Variants in PARP12 observed in about 807,000 individuals in gnomAD.
The protein encoded by PARP12 is poly(ADP-ribose) polymerase family member 12.
Under a neutral mutation model 72.4 loss-of-function variants are expected in PARP12, and 59 were observed. The ratio of observed to expected loss-of-function variants is 0.81; its 90% CI spans 0.66 to 1.01. The LOEUF is 1.01. Among genes scored for constraint, PARP12 ranks in the 50% least tolerant of loss-of-function variants. The pLI is 0.00. For missense variants in PARP12, 851 were observed against 914.0 expected (o/e 0.93, Z 0.89); for synonymous variants, 403 against 371.4 (o/e 1.09, Z -0.98).
rs527274291 is a variant in PARP12, at chr7:140,053,007, AT to A, written c.862+1654del. ...ACTCTCACACGTTGCTGGTGGGAAC[AT>A]AAAATATTATTATCTATTTTGGAAG... On this transcript the variant is annotated intron_variant, in intron 4 of 11. Coordinates refer to ENST00000263549, the MANE Select transcript of PARP12 (RefSeq NM_022750.4). Among the ~76,000 whole-genome samples the A allele has an allele frequency of 6.6e-5, 10 of 152,354 alleles. No individual in the cohort carries two copies. The East Asian group carries it at 1.9e-3, about 29-fold the overall frequency.
intron 5 of PARP12, among the ~76,000 whole-genome samples, chr7:140,042,785 G>A (rs1019279753): frequency 2.0e-5 from 3 of 152,190 alleles, no homozygotes; most frequent in Non-Finnish European, 2.9e-5. Context: ...CCTCACAGAA[G>A]TTTTAGACTG....
At chr7:140,028,862 T>G in intron 8 of PARP12, 174 bp from the exon 9 acceptor site, 2 of 514,396 alleles carry the variant, frequency 3.9e-6, no homozygotes, top group South Asian at 2.0e-5. Flanking sequence ...ATGAGAGCAC[T>G]TTTATCTTTG....
rs149809633 is a variant in PARP12, at chr7:140,060,039, A to G, written c.327-2005T>C. On this transcript the variant is annotated intron_variant, in intron 1 of 11. Transcript: ENST00000263549. Reference sequence around the variant, plus strand: ...GTAACGATGACTGATGGTAACAATGATAATGACTACTAAAATTTATTGAGC... The same window carrying G: ...GTAACGATGACTGATGGTAACAATGGTAATGACTACTAAAATTTATTGAGC... Among the ~76,000 whole-genome samples, 22 of 152,380 alleles carry G rather than the reference A, an allele frequency of 1.4e-4. 1 individual carries two copies. The highest frequency in any genetic ancestry group is 5.3e-4 in the African/African-American group (22 of 41,596).
intron 5 of PARP12, among the ~76,000 whole-genome samples, chr7:140,044,968 C>A (rs1447753063): frequency 6.6e-6 from 1 of 151,192 alleles, no homozygotes; most frequent in Admixed American, 6.6e-5. Flanking sequence ...TAAAACAATA[C>A]GAATTTCTAA....
intron 4 of PARP12, among the ~76,000 whole-genome samples, chr7:140,051,476 C>T (rs150249861): frequency 6.6e-6 from 1 of 152,114 alleles, no homozygotes; most frequent in East Asian, 1.9e-4. Flanking sequence ...CCGCAACCTC[C>T]ACCTCCCGGG....
chr7:140,033,827 G>A (rs752884446), intron 8 of PARP12: 6 of 987,118 alleles, frequency 6.1e-6, no homozygotes, highest in Non-Finnish European at 7.2e-6. Flanking sequence ...TTGGTATTCC[G>A]TGATATTCAA....
chr7:140,051,842 A>T (rs1199902850), intron 4 of PARP12, among the ~76,000 whole-genome samples: 1 of 152,078 alleles, frequency 6.6e-6, no homozygotes, highest in East Asian at 1.9e-4. Flanking sequence ...GTGGAGAAGG[A>T]CCCTCTGGTG....
rs563450338 is a variant in PARP12 at position 140,057,375 on chromosome 7, C to T, written c.463-222G>A. ...AAAGGAGACTGCACAGAATCAGCCC[C>T]TCCACTGGGAAAATCCAAGAACTTC... On this transcript the variant is annotated intron_variant, in intron 2 of 11. Transcript: ENST00000263549. The T allele has an allele frequency of 1.6e-5, 9 of 571,028 alleles. No individual in the cohort carries two copies. The African/African-American group carries it at 1.7e-4, about 11-fold the overall frequency. 35.4% of individuals were successfully genotyped at this position (571,028 alleles called of 1,614,324 possible).
intron 8 of PARP12, among the ~76,000 whole-genome samples, chr7:140,032,919 G>A (rs947859846): frequency 1.3e-5 from 2 of 152,080 alleles, no homozygotes; most frequent in Admixed American, 6.6e-5. Flanking sequence ...TTTTAATCAC[G>A]TGAAGGTTTT....
intron 5 of PARP12, among the ~76,000 whole-genome samples, chr7:140,042,325 A>G (rs1437694394): frequency 6.6e-6 from 1 of 152,242 alleles, no homozygotes; most frequent in African/African-American, 2.4e-5. Flanking sequence ...AACCTGTTCA[A>G]GGTCAAACAG....
In PARP12 at chr7:140,024,587, C is replaced by T. The variant is rs756397682; in HGVS notation, c.2079G>A (p.Leu693=). The change falls in exon 12 of 12, where the codon TTG becomes TTA. Residue 693 remains leucine (L), a synonymous_variant. Transcript: ENST00000263549. ...ACTGTCGGCTGCTGAACAGGGAGCC[C>T]AAGGCCAGCAGGATGGAGGGTGTGA... The part of the protein sequence containing the change: ...PSVTPSILLA[L]GSLFSSRQ 4 of 1,614,020 alleles carry T rather than the reference C, an allele frequency of 2.5e-6. No individual in the cohort carries two copies. In the South Asian group the frequency reaches 4.4e-5, roughly 18 times the overall value.
chr7:140,033,470 C>T, intron 8 of PARP12: 1 of 985,420 alleles, frequency 1.0e-6, no homozygotes, highest in Non-Finnish European at 1.2e-6. Context: ...CCAGCACTGG[C>T]TCTGGCAAGC....
chr7:140,059,421 TTCC>T (rs1705622626), intron 1 of PARP12, among the ~76,000 whole-genome samples: 1 of 150,346 alleles, frequency 6.7e-6, no homozygotes, highest in Non-Finnish European at 1.5e-5. Context: ...TTTTGCTCTC[TTCC>T]TCCATTCTTT....
chr7:140,042,563 A>C (rs899540705), intron 5 of PARP12, among the ~76,000 whole-genome samples: 7 of 152,258 alleles, frequency 4.6e-5, no homozygotes, highest in African/African-American at 1.7e-4. Flanking sequence ...AGCAGGAAAC[A>C]AATGTAGGGT....
Position 140,028,642 on chromosome 7 carries a change from A to G in PARP12, c.1468T>C (p.Ser490Pro). Residue 490 changes from serine to proline, a missense_variant, in exon 9 of 12, where the codon TCC becomes CCC. Ser to Pro is a moderately conservative substitution (Grantham distance 74, BLOSUM62 -1). Around this residue, in one of 3 missense-constraint regions of PARP12, gnomAD observed 347 missense variants for 396.1 expected, o/e 0.88. Coordinates refer to ENST00000263549, the MANE Select transcript of PARP12 (RefSeq NM_022750.4). ...AAGCCTGGGTCTGGCAGGGCAGAGG[A>G]GTCCCAATAGTCTGGGATGCTCTTC... is the stretch of plus-strand genomic sequence containing the variant. ...GPKSIPDYWD[S>P]SALPDPGFQK... 1 of 1,603,562 alleles carries G rather than the reference A, an allele frequency of 6.2e-7. No individual in the cohort carries two copies. The highest frequency in any genetic ancestry group is 1.3e-5 in the African/African-American group (1 of 74,872).
At chr7:140,031,178 G>C (rs1261928913) in intron 8 of PARP12, among the ~76,000 whole-genome samples, 2 of 152,134 alleles carry the variant, frequency 1.3e-5, no homozygotes, top group African/African-American at 2.4e-5. Context: ...TTTTCATAGA[G>C]GATGGGCAAC....
intron 5 of PARP12, among the ~76,000 whole-genome samples, chr7:140,043,064 G>A (rs763555545): frequency 1.1e-4 from 17 of 152,180 alleles, no homozygotes; most frequent in South Asian, 4.1e-4. Context: ...AGTGGTGGCG[G>A]GCACCTGTAG....
At chr7:140,035,063 C>T (rs1476706803) in intron 7 of PARP12, among the ~76,000 whole-genome samples, 2 of 152,188 alleles carry the variant, frequency 1.3e-5, no homozygotes, top group Non-Finnish European at 2.9e-5. Flanking sequence ...GTTTGTGACA[C>T]CATGCCCAAC....
At chr7:140,042,690 A>G (rs549629863) in intron 5 of PARP12, among the ~76,000 whole-genome samples, 1 of 152,244 alleles carries the variant, frequency 6.6e-6, no homozygotes, top group African/African-American at 2.4e-5. Flanking sequence ...TTGCAAAGAC[A>G]TCTGGCAAGG....
Sources: allele counts gnomAD v4.1 joint callset (sites outside exome capture counted in the v4.1 genomes callset), GRCh38; gene constraint gnomAD v4.1.1; regional missense constraint gnomAD v4.1.1; transcripts MANE v1.5; gene names NCBI Gene and HGNC (gene_info 2026-07-23, HGNC 2026-07-21).